The following ZBTB7C variants were observed in gnomAD, a reference collection of about 807,000 sequenced individuals.
ZBTB7C encodes zinc finger and BTB domain containing 7C, also known as zinc finger and BTB domain-containing protein 7C.
A neutral mutation model predicts 25.7 loss-of-function variants in ZBTB7C; 8 were observed. The ratio of observed to expected loss-of-function variants is 0.31; its 90% confidence interval spans 0.18 to 0.56. The LOEUF (loss-of-function observed/expected upper bound fraction) is 0.56, where lower values mean the gene tolerates loss of function less well. ZBTB7C is among the 20% of genes least tolerant of loss of function. ZBTB7C has a pLI of 0.91. For missense variants in ZBTB7C, 824 were observed against 855.2 expected (o/e 0.96, Z 0.46); for synonymous variants, 394 against 369.0 (o/e 1.07, Z -0.78).
At chr18:48,250,879 T>C (rs1438984323) in intron 2 of ZBTB7C, among the ~76,000 whole-genome samples, 1 of 152,026 alleles carries the variant, frequency 6.6e-6, no homozygotes, top group African/African-American at 2.4e-5. Flanking sequence ...AACCCACTAA[T>C]GCTTCTTTTC....
At chr18:48,101,691 GC>G (rs372119318) in intron 3 of ZBTB7C, among the ~76,000 whole-genome samples, 66 of 152,290 alleles carry the variant, frequency 4.3e-4, no homozygotes, top group African/African-American at 1.5e-3. Flanking sequence ...GGAAACTGAG[GC>G]AAAGGTTAAG....
At chr18:48,156,607 C>T (rs938726775) in intron 3 of ZBTB7C, among the ~76,000 whole-genome samples, 8 of 152,170 alleles carry the variant, frequency 5.3e-5, no homozygotes, top group East Asian at 1.9e-4. Flanking sequence ...AAGCTACTAT[C>T]GTTGATCAAA....
intron 2 of ZBTB7C, among the ~76,000 whole-genome samples, chr18:48,281,849 T>C (rs1313988072): frequency 6.7e-6 from 1 of 148,210 alleles, no homozygotes; most frequent in African/African-American, 2.5e-5. Flanking sequence ...AGGAACACTT[T>C]TACACTGTTG....
intron 2 of ZBTB7C, among the ~76,000 whole-genome samples, chr18:48,259,681 C>T (rs2044115471): frequency 6.6e-6 from 1 of 152,126 alleles, no homozygotes; most frequent in Non-Finnish European, 1.5e-5. Context: ...AGAAATCAAA[C>T]AACTGTCCCT....
chr18:48,075,983 T>C (rs538222912), intron 3 of ZBTB7C, among the ~76,000 whole-genome samples: 1 of 152,252 alleles, frequency 6.6e-6, no homozygotes, highest in East Asian at 1.9e-4. Context: ...GCCAAAGAAA[T>C]GTTTGTTCCC....
intron 3 of ZBTB7C, among the ~76,000 whole-genome samples, chr18:48,084,536 A>G (rs985877882): frequency 1.3e-5 from 2 of 152,170 alleles, no homozygotes; most frequent in Admixed American, 6.5e-5. Context: ...GGCATCCAGC[A>G]TGAACCTGGA....
chr18:48,109,708 G>T (rs1428360369), intron 3 of ZBTB7C, among the ~76,000 whole-genome samples: 1 of 152,160 alleles, frequency 6.6e-6, no homozygotes, highest in African/African-American at 2.4e-5. Context: ...GCAGAGGAGG[G>T]AGGGGGCAAG....
At chr18:48,264,009 A>T (rs2044242974) in intron 2 of ZBTB7C, among the ~76,000 whole-genome samples, 1 of 152,206 alleles carries the variant, frequency 6.6e-6, no homozygotes, top group African/African-American at 2.4e-5. Context: ...AGCAAAACAC[A>T]TCAAGACCTA....
chr18:48,305,127 C>T lies in ZBTB7C; in HGVS notation c.-79+33047G>A, dbSNP rs1243274613. On this transcript the variant is annotated intron_variant, in intron 2 of 4. Coordinates refer to ENST00000590800, the MANE Select transcript of ZBTB7C (RefSeq NM_001318841.2). The stretch of plus-strand genomic sequence containing the variant: ...TAACGAGCATTAAGTAGGTCCAGCA[C>T]GCCATTCCAGGCCTGCGAGACCTCC... Among the ~76,000 whole-genome samples the T allele has an allele frequency of 2.6e-5, 4 of 151,682 alleles. No homozygotes were observed. The East Asian group carries it at 7.8e-4, about 30-fold the overall frequency.
chr18:48,177,805 T>C (rs1306343603), intron 3 of ZBTB7C, among the ~76,000 whole-genome samples: 1 of 152,136 alleles, frequency 6.6e-6, no homozygotes, highest in Non-Finnish European at 1.5e-5. Context: ...ACGGGCTCCC[T>C]TGCCTCTGGC....
chr18:48,334,450 T>C (rs1021698399), intron 2 of ZBTB7C, among the ~76,000 whole-genome samples: 1 of 152,108 alleles, frequency 6.6e-6, no homozygotes, highest in African/African-American at 2.4e-5. Flanking sequence ...ATCTGCAGCC[T>C]CAAACCCAGC....
intron 1 of ZBTB7C, among the ~76,000 whole-genome samples, chr18:48,357,652 A>T (rs867525666): frequency 4.6e-5 from 7 of 152,136 alleles, no homozygotes; most frequent in African/African-American, 1.7e-4. Flanking sequence ...CTAGTATTTG[A>T]ACTTTGCCCC....
At chr18:48,041,397 A>G in intron 3 of ZBTB7C, 1 of 985,430 alleles carries the variant, frequency 1.0e-6, no homozygotes, top group Non-Finnish European at 1.2e-6. Flanking sequence ...GCCTTCTCTC[A>G]GGCTTGGTGT....
At chr18:48,289,501 GA>G (rs1397751285) in intron 2 of ZBTB7C, among the ~76,000 whole-genome samples, 1 of 150,942 alleles carries the variant, frequency 6.6e-6, no homozygotes, top group Admixed American at 6.6e-5. Flanking sequence ...AACACGGTAT[GA>G]TTTTTTTAAC....
In ZBTB7C at chr18:48,258,772, C is replaced by A. The variant is rs139679303; in HGVS notation, c.-78-72777G>T. Among the ~76,000 whole-genome samples, 586 of 144,226 alleles carry A rather than the reference C, an allele frequency of 4.1e-3. 5 individuals are homozygous for A. Among genetic ancestry groups the A allele is most frequent in the Non-Finnish European group, 4.9e-3 (327 of 66,994 alleles). 94.6% of individuals were successfully genotyped at this position (144,226 alleles called of 152,430 possible). On this transcript the variant is annotated intron_variant, in intron 2 of 4. Coordinates refer to ENST00000590800, the MANE Select transcript of ZBTB7C (RefSeq NM_001318841.2). ...TCCCAGGTTCAAACAATTCTCCCTG[C>A]CTCAGCCTCCTGAGTAACTGGGATT...
At chr18:48,104,847 C>T (rs1226926070) in intron 3 of ZBTB7C, among the ~76,000 whole-genome samples, 1 of 152,194 alleles carries the variant, frequency 6.6e-6, no homozygotes, top group Non-Finnish European at 1.5e-5. Context: ...TGTGTGGGGC[C>T]ATCGTGCAGT....
chr18:48,190,801 T>C (rs889548159), intron 2 of ZBTB7C, among the ~76,000 whole-genome samples: 1 of 152,166 alleles, frequency 6.6e-6, no homozygotes, highest in Non-Finnish European at 1.5e-5. Context: ...TTTGTGCCCA[T>C]TGCTAAAGAT....
intron 1 of ZBTB7C, among the ~76,000 whole-genome samples, chr18:48,364,515 T>A (rs2047180398): frequency 6.6e-6 from 1 of 152,032 alleles, no homozygotes; most frequent in Admixed American, 6.5e-5. Context: ...GTGACCCAAA[T>A]CCCAGAGACA....
intron 1 of ZBTB7C, among the ~76,000 whole-genome samples, chr18:48,380,393 C>T (rs1381151591): frequency 6.6e-6 from 1 of 152,066 alleles, no homozygotes; most frequent in Admixed American, 6.6e-5. Context: ...TGGGAAGTTA[C>T]AAATAAGCAA....
Sources: allele counts gnomAD v4.1 joint callset (sites outside exome capture counted in the v4.1 genomes callset), GRCh38; gene constraint gnomAD v4.1.1; transcripts MANE v1.5; gene names NCBI Gene and HGNC (gene_info 2026-07-23, HGNC 2026-07-21).